Variants in ZNF529 observed in about 807,000 individuals in gnomAD.
ZNF529 encodes zinc finger protein 529.
A neutral mutation model predicts 10.1 loss-of-function variants in ZNF529; 11 were observed. The ratio of observed to expected loss-of-function variants is 1.09; its 90% CI spans 0.69 to 1.81. The LOEUF (loss-of-function observed/expected upper bound fraction) is 1.81, where lower values mean the gene tolerates loss of function less well. Among genes scored for constraint, ZNF529 ranks in the 40% most tolerant of loss-of-function variants. The probability of loss-of-function intolerance (pLI) is 0.00; values close to 1 mark genes in which losing one functional copy is unlikely to be tolerated. For missense variants in ZNF529, 624 were observed against 666.8 expected (o/e 0.94, Z 0.71); for synonymous variants, 204 against 215.7 (o/e 0.95, Z 0.47).
intron 4 of ZNF529, among the ~76,000 whole-genome samples, chr19:36,550,322 C>T (rs556134159): frequency 2.6e-5 from 4 of 152,256 alleles, no homozygotes; most frequent in Non-Finnish European, 5.9e-5. Flanking sequence ...GTGTGCGGAT[C>T]ACTTGAGGTC....
chr19:36,556,053 A>G lies in ZNF529; in HGVS notation c.108+51T>C, dbSNP rs898627533. ...TTCTTTGACAGAGGTGTTTGGTAGG[A>G]AGAATCAGAAAAAGGAAATATCACA... On this transcript the variant is annotated intron_variant, in intron 3 of 4. Coordinates refer to ENST00000591340, the MANE Select transcript of ZNF529 (RefSeq NM_020951.5). 5 of 1,538,416 alleles carry G rather than the reference A, an allele frequency of 3.3e-6. No homozygotes were observed. The Admixed American group carries it at 9.9e-5, about 31-fold the overall frequency.
chr19:36,597,313 T>TC, intron 1 of ZNF529, among the ~76,000 whole-genome samples: 1 of 152,340 alleles, frequency 6.6e-6, no homozygotes, highest in East Asian at 1.9e-4. Context: ...GTTCTTTTAT[T>TC]CCCCCATTCT....
chr19:36,586,471 G>A (rs1278279227), intron 2 of ZNF529, among the ~76,000 whole-genome samples: 1 of 152,136 alleles, frequency 6.6e-6, no homozygotes, highest in Non-Finnish European at 1.5e-5. Flanking sequence ...CGGGCGTGGT[G>A]GTGTGCATCT....
chr19:36,592,373 T>A (rs2036741762), intron 1 of ZNF529, among the ~76,000 whole-genome samples: 2 of 148,938 alleles, frequency 1.3e-5, no homozygotes, highest in Admixed American at 1.3e-4. Flanking sequence ...GCGGGCGGAC[T>A]GCCTGAGCTC....
At chr19:36,572,160 A>C (rs1461608701) in intron 2 of ZNF529, among the ~76,000 whole-genome samples, 173 bp downstream of exon 2, 1 of 151,234 alleles carries the variant, frequency 6.6e-6, no homozygotes, top group Non-Finnish European at 1.5e-5. Context: ...GGAAAAAAAG[A>C]AGCACATGGG....
At chr19:36,580,233 A>T (rs2036432837) in intron 2 of ZNF529, 1 of 149,138 alleles carries the variant, frequency 6.7e-6, no homozygotes, top group African/African-American at 2.5e-5. Context: ...TACCTCCTGA[A>T]GGACTTGCCT....
At chr19:36,570,486 A>G (rs1000364544) in intron 2 of ZNF529, among the ~76,000 whole-genome samples, 26 of 152,162 alleles carry the variant, frequency 1.7e-4, no homozygotes, top group African/African-American at 6.3e-4. Context: ...GTATTCGCAC[A>G]TTGTTGCTGG....
chr19:36,548,368 C>A (rs758551529), intron 4 of ZNF529, 46 bp from the exon 5 acceptor site: 2 of 1,456,576 alleles, frequency 1.4e-6, no homozygotes, highest in African/African-American at 1.4e-5. Context: ...AAAAATAAAA[C>A]AGTTATAGAA....
In ZNF529 at chr19:36,547,224, C is replaced by T; in HGVS notation, c.1334G>A (p.Ser445Asn). ...CTTACATTCATAAGGTTTTTGACCA[C>T]TGTGAATTCTTTCATGTCGAGTAAG... ...SELTRHERIH[S>N]GQKPYECKEC... is the part of the protein sequence containing the mutation. The change falls in exon 5 of 5, where the codon AGT (serine) becomes AAT (asparagine). Residue 445 changes from serine to asparagine, a missense_variant. By Grantham distance (46) the Ser-to-Asn change is conservative. Transcript: ENST00000591340. 1 of 1,613,762 alleles carries T rather than the reference C, an allele frequency of 6.2e-7. No individual in the cohort carries two copies. The highest frequency in any genetic ancestry group is 8.5e-7 in the Non-Finnish European group (1 of 1,179,796).
intron 2 of ZNF529, chr19:36,581,916 C>T (rs911531706): frequency 6.6e-6 from 1 of 152,226 alleles, no homozygotes; most frequent in South Asian, 2.1e-4. Context: ...GTGGCATATA[C>T]ATACAATGTA....
chr19:36,596,904 C>T (rs1001376820), intron 1 of ZNF529, among the ~76,000 whole-genome samples: 8 of 152,046 alleles, frequency 5.3e-5, no homozygotes, highest in African/African-American at 1.7e-4. Flanking sequence ...TTTCGTCCCT[C>T]GCTCTGTCAC....
In ZNF529 at chr19:36,547,361, A is replaced by G. The variant is rs774862157; in HGVS notation, c.1197T>C (p.Cys399=). The G allele has an allele frequency of 5.0e-6, 8 of 1,613,908 alleles. No homozygotes were observed. In the East Asian group the frequency reaches 1.8e-4, roughly 36 times the overall value. The change falls in exon 5 of 5, where the codon TGT becomes TGC. Residue 399 remains cysteine, a synonymous_variant. Transcript: ENST00000591340. ...ATGAACTATTTCTAAAGACCTTTCC[A>G]CATGCTTTGCATTCATAGGGTTTCT... is the stretch of plus-strand genomic sequence containing the variant. ...TGKKPYECKA[C]GKVFRNSSSL... is the part of the protein sequence containing the mutation.
At chr19:36,595,560 G>A (rs1213674775) in intron 1 of ZNF529, among the ~76,000 whole-genome samples, 1 of 152,060 alleles carries the variant, frequency 6.6e-6, no homozygotes, top group African/African-American at 2.4e-5. Flanking sequence ...TTAGCCAGGT[G>A]TGGTAGTGTG....
upstream of ZNF529, chr19:36,573,694 C>T (rs2036235942): frequency 3.0e-6 from 1 of 329,744 alleles, no homozygotes; most frequent in Non-Finnish European, 6.2e-6. Flanking sequence ...TGAAGGGAGT[C>T]GCGGACCCGG....
upstream of ZNF529, among the ~76,000 whole-genome samples, chr19:36,574,398 C>G (rs1373762349): frequency 2.6e-5 from 4 of 151,946 alleles, no homozygotes; most frequent in African/African-American, 9.7e-5. Flanking sequence ...GACTTGGGGT[C>G]TTTTCTATCA....
intron 1 of ZNF529, among the ~76,000 whole-genome samples, chr19:36,603,961 C>G (rs550016300): frequency 6.6e-6 from 1 of 152,270 alleles, no homozygotes; most frequent in African/African-American, 2.4e-5. Flanking sequence ...GGGTGGATCA[C>G]CTGAGGTCAG....
Position 36,554,678 on chromosome 19 carries a change from A to G in ZNF529, c.227T>C (p.Leu76Pro), listed in dbSNP as rs780962144. Residue 76 changes from leucine to proline, a missense_variant, in exon 4 of 5, where the codon CTC becomes CCC. Physicochemically the swap from Leu to Pro is moderately conservative, Grantham distance 98. Transcript: ENST00000591340. Reference sequence around the variant, plus strand: ...AAGGCAGATAAATTTACCCAGTGAGAGTAAGTTGCTGTAGTTCTCCATCAT... The same window carrying G: ...AAGGCAGATAAATTTACCCAGTGAGGGTAAGTTGCTGTAGTTCTCCATCAT... ...DVMMENYSNL[L>P]SLDLESRNET... 1 of 1,560,812 alleles carries G rather than the reference A, an allele frequency of 6.4e-7. No homozygotes were observed.
intron 4 of ZNF529, among the ~76,000 whole-genome samples, chr19:36,553,482 A>G (rs1387293406): frequency 6.6e-6 from 1 of 152,100 alleles, no homozygotes; most frequent in African/African-American, 2.4e-5. Context: ...GCCAAGTAGA[A>G]GGCAAGAACT....
chr19:36,604,364 A>C (rs1049683126), intron 1 of ZNF529, among the ~76,000 whole-genome samples: 3 of 152,152 alleles, frequency 2.0e-5, no homozygotes, highest in African/African-American at 7.2e-5. Flanking sequence ...TTCAGTTGGA[A>C]ACTTCATTCT....
Sources: allele counts gnomAD v4.1 joint callset (sites outside exome capture counted in the v4.1 genomes callset), GRCh38; gene constraint gnomAD v4.1.1; transcripts MANE v1.5; gene names NCBI Gene and HGNC (gene_info 2026-07-23, HGNC 2026-07-21).